ERP44: variants seen among roughly 807,000 people sequenced by gnomAD.
The protein encoded by ERP44 is endoplasmic reticulum protein 44.
In ERP44, 25 loss-of-function variants were observed where a neutral mutation model predicts 53.4. The ratio of observed to expected loss-of-function variants is 0.47; its 90% confidence interval spans 0.34 to 0.65. ERP44 has a LOEUF of 0.65. ERP44 is among the 30% of genes least tolerant of loss of function. The pLI, the probability that ERP44 is intolerant of heterozygous loss-of-function variation, is 0.01. For synonymous variants in ERP44, 145 were observed against 161.2 expected, an observed-to-expected ratio of 0.90 and a Z score of 0.76; for missense variants, 338 against 493.2, an observed-to-expected ratio of 0.69 and a Z score of 2.98.
intron 8 of ERP44, among the ~76,000 whole-genome samples, chr9:100,011,998 G>C (rs1429259048): frequency 6.6e-6 from 1 of 152,084 alleles, no homozygotes; most frequent in East Asian, 1.9e-4. Context: ...AAAAATTTTG[G>C]ATTTTGGAGC....
In ERP44 at chr9:99,979,239, A is replaced by G. The variant is rs1189891139; in HGVS notation, c.*3373T>C. On this transcript the variant is annotated 3_prime_UTR_variant, in exon 12 of 12. Transcript: ENST00000262455. ...GTCCAGCCATATCTCCTTGTAGGAG[A>G]AAAAAAACTGAGTTATTCTGTTCTT... 1.4e-5 allele frequency: 1 copy of G among 71,444 alleles called. No individual in the cohort carries two copies. The highest frequency in any genetic ancestry group is 3.5e-5 in the African/African-American group (1 of 28,706). 4.4% of individuals were successfully genotyped at this position (71,444 alleles called of 1,614,324 possible).
At chr9:100,033,336 A>G (rs564615179) in intron 4 of ERP44, among the ~76,000 whole-genome samples, 10 of 152,190 alleles carry the variant, frequency 6.6e-5, no homozygotes, top group Non-Finnish European at 1.0e-4. Context: ...GTCCCTGTAC[A>G]TGGTTTCTGA....
chr9:100,095,049 T>C (rs1826610265), intron 1 of ERP44, among the ~76,000 whole-genome samples: 1 of 151,846 alleles, frequency 6.6e-6, no homozygotes, highest in South Asian at 2.1e-4. Flanking sequence ...ATTAGACTTA[T>C]CCAAATATAG....
chr9:100,067,434 C>A, intron 1 of ERP44, among the ~76,000 whole-genome samples: 1 of 152,322 alleles, frequency 6.6e-6, no homozygotes, highest in East Asian at 1.9e-4. Flanking sequence ...CGCGAGTGAT[C>A]CGCCAGCCTC....
At chr9:100,015,456 TTTTTAAG>T (rs935182352) in intron 8 of ERP44, among the ~76,000 whole-genome samples, 1 of 152,138 alleles carries the variant, frequency 6.6e-6, no homozygotes, top group African/African-American at 2.4e-5. Flanking sequence ...GCCTCTTAGG[TTTTTAAG>T]TTTTATTTTG....
chr9:100,057,824 C>A lies in ERP44; in HGVS notation c.166G>T (p.Asp56Tyr). 1 of 1,604,752 alleles carries A rather than the reference C, an allele frequency of 6.2e-7. No homozygotes were observed. The highest frequency in any genetic ancestry group is 1.1e-5 in the South Asian group (1 of 89,138). ...ADVALVNFYA[D>Y]WCRFSQMLHP... is the part of the protein sequence containing the mutation. ...CCAAACAATAAGATTACTTACCAGTCAGCATAAAAATTTACTAAAGCAACA... is the reference window on the plus strand; with the variant it reads ...CCAAACAATAAGATTACTTACCAGTAAGCATAAAAATTTACTAAAGCAACA... Residue 56 changes from aspartate to tyrosine, a missense_variant, in exon 3 of 12, where the codon GAC becomes TAC. This residue lies in a region of ERP44 where 224 missense variants were observed against 301.4 expected (regional missense o/e 0.74). Transcript: ENST00000262455.
At chr9:100,048,366 A>G (rs1339111137) in intron 4 of ERP44, among the ~76,000 whole-genome samples, 1 of 152,126 alleles carries the variant, frequency 6.6e-6, no homozygotes, top group East Asian at 1.9e-4. Flanking sequence ...CAAAGAGAAA[A>G]TAAGAGTGCA....
At chr9:100,005,301 C>G (rs1250877427) in intron 10 of ERP44, among the ~76,000 whole-genome samples, 2 of 152,186 alleles carry the variant, frequency 1.3e-5, no homozygotes, top group Non-Finnish European at 2.9e-5. Context: ...GCACTTATCC[C>G]TTAGTAAAAC....
chr9:100,023,473 G>A (rs1830617273), intron 4 of ERP44, among the ~76,000 whole-genome samples: 1 of 147,108 alleles, frequency 6.8e-6, no homozygotes, highest in Non-Finnish European at 1.5e-5. Context: ...CTGTCACCCA[G>A]GCTGGAGTAC....
chr9:99,998,717 CATT>C (rs1194291678), intron 10 of ERP44: 10 of 722,922 alleles, frequency 1.4e-5, no homozygotes, highest in Non-Finnish European at 2.5e-5. Context: ...CGGTTTATCT[CATT>C]TTTTGCATCT....
At chr9:100,086,238 G>A (rs1277887276) in intron 1 of ERP44, among the ~76,000 whole-genome samples, 1 of 152,174 alleles carries the variant, frequency 6.6e-6, no homozygotes, top group African/African-American at 2.4e-5. Flanking sequence ...ATTAAAAGCT[G>A]AAATGCATAT....
chr9:100,007,805 G>A (rs570828837), intron 8 of ERP44, 116 bp from the exon 9 acceptor site: 25 of 673,658 alleles, frequency 3.7e-5, no homozygotes, highest in East Asian at 2.7e-4. Flanking sequence ...GCAATATCCC[G>A]GGGGAAAAAA....
intron 1 of ERP44, among the ~76,000 whole-genome samples, chr9:100,094,533 C>T (rs917018600): frequency 6.6e-6 from 1 of 152,016 alleles, no homozygotes; most frequent in Non-Finnish European, 1.5e-5. Context: ...TGGCAAGCGC[C>T]TGTAATCCCA....
intron 4 of ERP44, among the ~76,000 whole-genome samples, chr9:100,039,890 A>T (rs140120195): frequency 1.5e-4 from 23 of 152,310 alleles, no homozygotes; most frequent in African/African-American, 5.5e-4. Flanking sequence ...TACTGTGTGC[A>T]ACTATTTGCC....
At chr9:100,024,482 A>T (rs970370387) in intron 4 of ERP44, among the ~76,000 whole-genome samples, 1 of 151,072 alleles carries the variant, frequency 6.6e-6, no homozygotes, top group Non-Finnish European at 1.5e-5. Flanking sequence ...GTTTGCTTAT[A>T]TAGTTGTCTC....
intron 1 of ERP44, among the ~76,000 whole-genome samples, chr9:100,095,609 AT>A (rs753835643): frequency 5.3e-5 from 8 of 151,626 alleles, no homozygotes; most frequent in Admixed American, 2.0e-4. Flanking sequence ...CACCTGGGAA[AT>A]TTTTTTTTAA....
intron 10 of ERP44, among the ~76,000 whole-genome samples, chr9:99,996,905 A>G (rs746894511): frequency 5.3e-5 from 1 of 19,030 alleles, no homozygotes; most frequent in African/African-American, 6.0e-4. Context: ...GTGTATATAT[A>G]TACATATATA....
chr9:100,061,472 T>C (rs1250589402), intron 1 of ERP44, among the ~76,000 whole-genome samples: 1 of 147,366 alleles, frequency 6.8e-6, no homozygotes, highest in Non-Finnish European at 1.5e-5. Context: ...TATATATAAA[T>C]ATTTATAAAA....
chr9:100,091,073 A>G (rs977955443), intron 1 of ERP44, among the ~76,000 whole-genome samples: 1 of 152,122 alleles, frequency 6.6e-6, no homozygotes, highest in African/African-American at 2.4e-5. Flanking sequence ...TACTACTACA[A>G]TGTTTTTCTG....
Sources: allele counts gnomAD v4.1 joint callset (sites outside exome capture counted in the v4.1 genomes callset), GRCh38; gene constraint gnomAD v4.1.1; regional missense constraint gnomAD v4.1.1; transcripts MANE v1.5; gene names NCBI Gene and HGNC (gene_info 2026-07-23, HGNC 2026-07-21).